Variants in NOTCH1 observed in about 807,000 individuals in gnomAD.
NOTCH1 encodes the protein notch receptor 1, also known as neurogenic locus notch homolog protein 1.
In NOTCH1, 37 loss-of-function variants were observed where a neutral mutation model predicts 254.8. The ratio of observed to expected loss-of-function variants is 0.15; its 90% CI spans 0.11 to 0.19. The LOEUF is 0.19. Among genes scored for constraint, NOTCH1 ranks in the 10% least tolerant of loss-of-function variants. The probability of loss-of-function intolerance (pLI) is 1.00; values close to 1 mark genes in which losing one functional copy is unlikely to be tolerated. For missense variants in NOTCH1, 2,972 were observed against 3,708.6 expected, an observed-to-expected ratio of 0.80 and a Z score of 5.16; for synonymous variants, 1,731 against 1,618.1, an observed-to-expected ratio of 1.07 and a Z score of -1.68.
At position 136,495,837 on chromosome 9, in the gene NOTCH1, TAA is replaced by T. The variant is rs970400738; in HGVS notation, c.*232_*233del. The T allele has an allele frequency of 2.9e-4, 142 of 488,008 alleles. No individual in the cohort carries two copies. Among genetic ancestry groups the T allele is most frequent in the African/African-American group, 2.4e-3 (126 of 51,528 alleles). 30.2% of individuals were successfully genotyped at this position (488,008 alleles called of 1,614,324 possible). On this transcript the variant is annotated 3_prime_UTR_variant, in exon 34 of 34. Transcript: ENST00000651671. The stretch of plus-strand genomic sequence containing the variant: ...AACTTGCTTGTTTTCTCAGAATAGA[TAA>T]AAGTTTCTACCTGGGGCCAGATAAA...
Position 136,519,389 on chromosome 9 carries a change from G to C in NOTCH1, c.865+54C>G, listed in dbSNP as rs967478622. The C allele has an allele frequency of 1.4e-5, 22 of 1,607,034 alleles. No individual in the cohort carries two copies. The African/African-American group carries it at 2.7e-4, about 20-fold the overall frequency. The stretch of plus-strand genomic sequence containing the variant: ...TATGCCTGTGAGTGCAGTTTAGTAA[G>C]TGGGTAGCAGCCCCGCCCCGGCTAC... On this transcript the variant is annotated intron_variant, in intron 5 of 33. Transcript: ENST00000651671.
chr9:136,509,653 A>G, intron 18 of NOTCH1, 80 bp downstream of exon 18: 1 of 1,329,274 alleles, frequency 7.5e-7, no homozygotes, highest in Non-Finnish European at 1.1e-6. Flanking sequence ...GGACGCCTGC[A>G]TGGTGTGCCA....
rs779573597 is a variant in NOTCH1, at chr9:136,518,204, G to C, written c.1188C>G (p.Ala396=). Residue 396 remains alanine (A), a synonymous_variant, in exon 7 of 34, where the codon GCC becomes GCG. Transcript: ENST00000651671. ...TGTACCCCGAGGGGCAGGTGCAGATGGCCTTGCCATTGACAGGGTTGGTGT... is the reference window on the plus strand; with the variant it reads ...TGTACCCCGAGGGGCAGGTGCAGATCGCCTTGCCATTGACAGGGTTGGTGT... ...NCDTNPVNGK[A]ICTCPSGYTG... The C allele has an allele frequency of 8.7e-6, 14 of 1,607,280 alleles. No homozygotes were observed. The highest frequency in any genetic ancestry group is 1.1e-5 in the Non-Finnish European group (13 of 1,177,662).
At position 136,502,505 on chromosome 9, in the gene NOTCH1, C is replaced by G. The variant is rs749791954; in HGVS notation, c.5168-17G>C. On this transcript the variant is annotated splice_polypyrimidine_tract_variant and intron_variant, in intron 27 of 33. Transcript: ENST00000651671. ...CGGTCTCACCTGCGGGCACGGGGGC[C>G]AGGGGCAGGTGCCCGGACATCAGGC... 1.3e-6 allele frequency: 2 copies of G among 1,494,272 alleles called. No homozygotes were observed. The highest frequency in any genetic ancestry group is 1.8e-6 in the Non-Finnish European group (2 of 1,122,268). The allele number at this position is 1,494,272 out of a possible 1,614,324, so 92.6% of individuals were successfully genotyped here. A position where few individuals can be genotyped will look rare whatever the true frequency, so the allele number is the denominator to read the frequency against.
intron 12 of NOTCH1, 28 bp from the exon 13 acceptor site, chr9:136,514,730 G>A (rs767498273): frequency 2.1e-5 from 33 of 1,605,920 alleles, no homozygotes; most frequent in Non-Finnish European, 2.6e-5. Flanking sequence ...CAGACTCCGA[G>A]GCCCAGCGCC....
In NOTCH1 at chr9:136,496,759, C is replaced by T. The variant is rs202065858; in HGVS notation, c.6980G>A (p.Arg2327Gln). Reference sequence around the variant, plus strand: ...CAGGGGGCCTGGTGCCACACTCCCCCGCAGAGGGTTGTATTGGTTCGGCAC... The same window carrying T: ...CAGGGGGCCTGGTGCCACACTCCCCTGCAGAGGGTTGTATTGGTTCGGCAC... The part of the protein sequence containing the change: ...GMVPNQYNPL[R>Q]GSVAPGPLST... Residue 2327 changes from arginine to glutamine, a missense_variant, in exon 34 of 34, where the codon CGG becomes CAG. By Grantham distance (43) the Arg-to-Gln change is conservative (BLOSUM62 1). Transcript: ENST00000651671. 344 of 1,612,834 alleles carry T rather than the reference C, an allele frequency of 2.1e-4. 1 individual carries two copies. In the African/African-American group the frequency reaches 2.7e-3, roughly 13 times the overall value.
At chr9:136,544,412 G>A (rs1336110708) in intron 1 of NOTCH1, among the ~76,000 whole-genome samples, 1 of 152,166 alleles carries the variant, frequency 6.6e-6, no homozygotes, top group Non-Finnish European at 1.5e-5. Flanking sequence ...ACGCAGTGGG[G>A]GAAAAGCAGA....
chr9:136,497,242 A>G lies in NOTCH1; in HGVS notation c.6497T>C (p.Leu2166Pro), dbSNP rs2133318274. Residue 2166 changes from leucine to proline, a missense_variant, in exon 34 of 34, where the codon CTG (leucine) becomes CCG (proline). By Grantham distance (98) the Leu-to-Pro change is moderately conservative. This residue lies in a region of NOTCH1 where 529 missense variants were observed against 529.2 expected (regional missense o/e 1.00). Coordinates refer to ENST00000651671, the MANE Select transcript of NOTCH1 (RefSeq NM_017617.5). Reference sequence around the variant, plus strand: ...CTTGGCCTCCTTGCTTCCACAGGCCAGGCCTTTGCTGCTGGGCTTGCGGAC... The same window carrying G: ...CTTGGCCTCCTTGCTTCCACAGGCCGGGCCTTTGCTGCTGGGCTTGCGGAC... ...KKVRKPSSKG[L>P]ACGSKEAKDL... The G allele has an allele frequency of 6.2e-7, 1 of 1,612,366 alleles. No individual in the cohort carries two copies. The highest frequency in any genetic ancestry group is 8.5e-7 in the Non-Finnish European group (1 of 1,179,920).
At chr9:136,508,474 A>C (rs1162134229) in intron 19 of NOTCH1, 89 bp from the exon 20 acceptor site, 2 of 1,574,494 alleles carry the variant, frequency 1.3e-6, no homozygotes, top group Admixed American at 1.7e-5. Flanking sequence ...GGCCTACTCC[A>C]ACCCAGGCTG....
At chr9:136,520,748 A>T (rs1324684817) in intron 4 of NOTCH1, among the ~76,000 whole-genome samples, 1 of 136,850 alleles carries the variant, frequency 7.3e-6, no homozygotes, top group Non-Finnish European at 1.5e-5. Flanking sequence ...AAAAAAAAAA[A>T]TTCAGAGCCT....
rs181648548 is a variant in NOTCH1, at chr9:136,503,644, G to A, written c.5019-314C>T. ...GTTTCCTCATCTCAGGACAGAGTAT[G>A]TGCCAGGAGCCCAGTCCTCCCCCAG... On this transcript the variant is annotated intron_variant, in intron 26 of 33. Transcript: ENST00000651671. Among the ~76,000 whole-genome samples the A allele has an allele frequency of 3.4e-3, 519 of 152,336 alleles. 3 individuals carry two copies. Among genetic ancestry groups the A allele is most frequent in the Non-Finnish European group, 6.0e-3 (409 of 68,016 alleles).
At chr9:136,512,475 G>A (rs955523174) in intron 15 of NOTCH1, among the ~76,000 whole-genome samples, 25 of 152,200 alleles carry the variant, frequency 1.6e-4, no homozygotes, top group Non-Finnish European at 1.8e-4. Context: ...CATAGCAGGG[G>A]CTGGACAGTT....
At chr9:136,519,794 G>C (rs1843338010) in intron 4 of NOTCH1, among the ~76,000 whole-genome samples, 1 of 152,232 alleles carries the variant, frequency 6.6e-6, no homozygotes, top group Non-Finnish European at 1.5e-5. Flanking sequence ...GGAACACAGG[G>C]TTCCAGAAGA....
In NOTCH1 at chr9:136,497,145, C is replaced by A. The variant is rs774256366; in HGVS notation, c.6594G>T (p.Ser2198=). The A allele has an allele frequency of 6.2e-7, 1 of 1,612,702 alleles. No homozygotes were observed. The highest frequency in any genetic ancestry group is 8.5e-7 in the Non-Finnish European group (1 of 1,179,932). ...GCLLDSSGML[S]PVDSLESPHG... is the part of the protein sequence containing the mutation. ...GGGGTGACTCCAGGGAGTCCACGGG[C>A]GAGAGCATGCCGGAGCTGTCCAGCA... Residue 2198 remains serine, a synonymous_variant, in exon 34 of 34, where the codon TCG becomes TCT. Transcript: ENST00000651671.
chr9:136,517,324 G>C lies in NOTCH1; in HGVS notation c.1503C>G (p.His501Gln). Residue 501 changes from histidine (H) to glutamine (Q), a missense_variant, in exon 9 of 34, where the codon CAC (histidine) becomes CAG (glutamine). Physicochemically the swap from His to Gln is conservative, Grantham distance 24. Coordinates refer to ENST00000651671, the MANE Select transcript of NOTCH1 (RefSeq NM_017617.5). ...TDECASSPCL[H>Q]NGRCLDKINE... ...TGATCTTGTCCAGGCAGCGGCCATT[G>C]TGCAGGCAGGGGCTGCTGGCACACT... 6.2e-7 allele frequency: 1 copy of C among 1,610,130 alleles called. No homozygotes were observed. The highest frequency in any genetic ancestry group is 8.5e-7 in the Non-Finnish European group (1 of 1,178,742).
intron 15 of NOTCH1, among the ~76,000 whole-genome samples, chr9:136,512,728 T>C (rs991146627): frequency 3.9e-5 from 6 of 152,166 alleles, no homozygotes; most frequent in Non-Finnish European, 7.4e-5. Flanking sequence ...GTAAAACACA[T>C]GCTTGCATGA....
At chr9:136,501,972 C>A (rs2133329603) in intron 29 of NOTCH1, 29 bp downstream of exon 29, 1 of 1,611,634 alleles carries the variant, frequency 6.2e-7, no homozygotes, top group South Asian at 1.1e-5. Flanking sequence ...TGCCCGGGAG[C>A]CCAGGAGCCC....
intron 2 of NOTCH1, among the ~76,000 whole-genome samples, chr9:136,532,024 C>T (rs563105353): frequency 6.6e-6 from 1 of 152,340 alleles, no homozygotes; most frequent in East Asian, 1.9e-4. Context: ...CCCTGGCACC[C>T]CCTCAGAGCC....
intron 22 of NOTCH1, 104 bp from the exon 23 acceptor site, chr9:136,507,077 G>A: frequency 1.3e-6 from 2 of 1,521,274 alleles, no homozygotes; most frequent in Non-Finnish European, 1.8e-6. Flanking sequence ...GGGCTGCACG[G>A]ACACTCGGGA....
Sources: allele counts gnomAD v4.1 joint callset (sites outside exome capture counted in the v4.1 genomes callset), GRCh38; gene constraint gnomAD v4.1.1; regional missense constraint gnomAD v4.1.1; transcripts MANE v1.5; gene names NCBI Gene and HGNC (gene_info 2026-07-23, HGNC 2026-07-21).